ILDR1: variants seen among roughly 807,000 people sequenced by gnomAD.
ILDR1 encodes immunoglobulin-like domain-containing receptor 1.
A neutral mutation model predicts 62.4 loss-of-function variants in ILDR1; 56 were observed. That is an observed-to-expected ratio of 0.90 (90% CI 0.72 to 1.12). ILDR1 has a LOEUF of 1.12. ILDR1 is among the 50% of genes most tolerant of loss of function. The pLI, the probability that ILDR1 is intolerant of heterozygous loss-of-function variation, is 0.00. For synonymous variants in ILDR1, 284 were observed against 277.8 expected (o/e 1.02, Z -0.22); for missense variants, 736 against 710.6 (o/e 1.04, Z -0.41).
At chr3:122,014,015 C>T (rs1419927172) in intron 1 of ILDR1, among the ~76,000 whole-genome samples, 1 of 152,188 alleles carries the variant, frequency 6.6e-6, no homozygotes, top group Non-Finnish European at 1.5e-5. Context: ...TGCTTAAGGC[C>T]ACACAGCTAG....
chr3:122,048,914 G>A, the ILDR1 span, among the ~76,000 whole-genome samples: 4 of 152,130 alleles, frequency 2.6e-5, no homozygotes, highest in Non-Finnish European at 5.9e-5. Flanking sequence ...GGGATTACAG[G>A]CATAAGCCAC....
the ILDR1 span, among the ~76,000 whole-genome samples, chr3:122,045,345 G>A: frequency 6.6e-6 from 1 of 150,526 alleles, no homozygotes; most frequent in Non-Finnish European, 1.5e-5. Context: ...CAACTATGTG[G>A]TCAATTTTGG....
At chr3:122,002,954 A>G (rs1157886682) in intron 3 of ILDR1, among the ~76,000 whole-genome samples, 1 of 152,240 alleles carries the variant, frequency 6.6e-6, no homozygotes, top group Non-Finnish European at 1.5e-5. Context: ...GGAATTTAAA[A>G]TGAATGGTTA....
chr3:121,992,432 C>T (rs1458651853), intron 7 of ILDR1, among the ~76,000 whole-genome samples: 1 of 152,200 alleles, frequency 6.6e-6, no homozygotes, highest in Non-Finnish European at 1.5e-5. Flanking sequence ...ACCACCACAC[C>T]CAGCCCCAAA....
intron 5 of ILDR1, 113 bp downstream of exon 5, chr3:122,001,195 G>T: frequency 8.2e-7 from 1 of 1,217,574 alleles, no homozygotes; most frequent in Non-Finnish European, 1.2e-6. Context: ...TATGATGGGA[G>T]AAGGGCATGG....
the ILDR1 span, among the ~76,000 whole-genome samples, chr3:122,028,314 C>A: frequency 8.6e-6 from 1 of 116,784 alleles, no homozygotes; most frequent in African/African-American, 3.4e-5. Flanking sequence ...CCAGCCTGGG[C>A]AACAGAGCGA....
chr3:122,050,548 C>A, the ILDR1 span, among the ~76,000 whole-genome samples: 65 of 145,142 alleles, frequency 4.5e-4, no homozygotes, highest in Non-Finnish European at 8.2e-4. Context: ...TTTTACTTCC[C>A]CCCCCCCACA....
At chr3:122,048,699 T>G in the ILDR1 span, among the ~76,000 whole-genome samples, 1 of 152,240 alleles carries the variant, frequency 6.6e-6, no homozygotes, top group South Asian at 2.1e-4. Flanking sequence ...GGTTATCCAA[T>G]TTGTTGGAAC....
chr3:121,990,231 C>T (rs529668359), intron 7 of ILDR1, among the ~76,000 whole-genome samples: 21 of 152,330 alleles, frequency 1.4e-4, no homozygotes, highest in South Asian at 1.0e-3. Flanking sequence ...GCAGACTTTG[C>T]CTCAGTAAAT....
chr3:121,991,687 A>C (rs1207204594), intron 7 of ILDR1, among the ~76,000 whole-genome samples: 1 of 152,202 alleles, frequency 6.6e-6, no homozygotes, highest in Non-Finnish European at 1.5e-5. Context: ...CATAATTGCC[A>C]TTAATTATTA....
the ILDR1 span, among the ~76,000 whole-genome samples, chr3:122,049,208 T>A: frequency 4.6e-5 from 7 of 152,208 alleles, no homozygotes; most frequent in African/African-American, 9.6e-5. Flanking sequence ...TAATATTGAT[T>A]TCTGGTTTCA....
chr3:122,000,023 T>C (rs2071493283), intron 5 of ILDR1, among the ~76,000 whole-genome samples: 1 of 150,196 alleles, frequency 6.7e-6, no homozygotes. Flanking sequence ...AATGTATAAA[T>C]ACTAAACCTC....
chr3:122,030,751 A>C, the ILDR1 span, among the ~76,000 whole-genome samples: 1 of 152,074 alleles, frequency 6.6e-6, no homozygotes. Flanking sequence ...GGTTAAGCTC[A>C]ATGAGGATCA....
Position 121,988,023 on chromosome 3 carries a change from C to A in ILDR1, c.*344G>T. The A allele has an allele frequency of 2.7e-6, 1 of 374,206 alleles. No individual in the cohort carries two copies. The highest frequency in any genetic ancestry group is 3.6e-5 in the Admixed American group (1 of 27,552). 23.2% of individuals were successfully genotyped at this position (374,206 alleles called of 1,614,324 possible). On this transcript the variant is annotated 3_prime_UTR_variant, in exon 8 of 8. Transcript: ENST00000344209. Reference sequence around the variant, plus strand: ...GCACTCCTGGGCTCAAGGGATCCTTCTGCCTCAGCCTCTTGAGTAGCTGGG... The same window carrying A: ...GCACTCCTGGGCTCAAGGGATCCTTATGCCTCAGCCTCTTGAGTAGCTGGG...
the ILDR1 span, among the ~76,000 whole-genome samples, chr3:122,029,504 T>TAAAA: frequency 7.2e-6 from 1 of 138,512 alleles, no homozygotes; most frequent in South Asian, 2.3e-4. Flanking sequence ...ACACTCCGTC[T>TAAAA]AAAAAAAATA....
At position 121,987,915 on chromosome 3, in the gene ILDR1, G is replaced by A. The variant is rs775889751; in HGVS notation, c.*452C>T. ...ACTTTTTTGTTTTTTGGCCTTTTGG[G>A]TTTTTTAGTAATGGGGACTTGCTCT... On this transcript the variant is annotated 3_prime_UTR_variant, in exon 8 of 8. Coordinates refer to ENST00000344209, the MANE Select transcript of ILDR1 (RefSeq NM_001199799.2). 4.1e-6 allele frequency: 1 copy of A among 244,998 alleles called. No homozygotes were observed. Among genetic ancestry groups the A allele is most frequent in the African/African-American group, 2.3e-5 (1 of 43,704 alleles). 15.2% of individuals were successfully genotyped at this position (244,998 alleles called of 1,614,324 possible).
rs2071586027 is a variant in ILDR1, at chr3:122,005,230, T to TCCC, written c.379+11_379+13dup. The stretch of plus-strand genomic sequence containing the variant: ...CCCCACCCCCAGTTCCCCTGACACC[T>TCCC]CCCCCGCACTCACGGTTCTGGATGG... On this transcript the variant is annotated intron_variant, in intron 3 of 7. Transcript: ENST00000344209. 1.9e-6 allele frequency: 1 copy of TCCC among 513,376 alleles called. No individual in the cohort carries two copies. Among genetic ancestry groups the TCCC allele is most frequent in the Non-Finnish European group, 3.2e-6 (1 of 308,586 alleles). The allele number at this position is 513,376 out of a possible 1,614,324, so 31.8% of individuals were successfully genotyped here.
At chr3:122,021,257 A>C (rs2071850570) in intron 1 of ILDR1, among the ~76,000 whole-genome samples, 1 of 152,216 alleles carries the variant, frequency 6.6e-6, no homozygotes, top group Non-Finnish European at 1.5e-5. Context: ...CCTAATTGGA[A>C]AAGAGCTGAA....
At position 122,001,753 on chromosome 3, in the gene ILDR1, A is replaced by G; in HGVS notation, c.491T>C (p.Ile164Thr). The change falls in exon 4 of 8, where the codon ATC becomes ACC. Residue 164 changes from isoleucine to threonine, a missense_variant. Coordinates refer to ENST00000344209, the MANE Select transcript of ILDR1 (RefSeq NM_001199799.2). ...GCTCCAGTAGCACTTACGTAGGACG[A>G]TGAGCTTTACTTCCTTATCGGGGTC... The part of the protein sequence containing the change: ...SGDPDKEVKL[I>T]VLHWLTVIFI... 6.2e-7 allele frequency: 1 copy of G among 1,612,786 alleles called. No individual in the cohort carries two copies. Among genetic ancestry groups the G allele is most frequent in the South Asian group, 1.1e-5 (1 of 91,000 alleles).
Sources: allele counts gnomAD v4.1 joint callset (sites outside exome capture counted in the v4.1 genomes callset), GRCh38; gene constraint gnomAD v4.1.1; transcripts MANE v1.5; gene names NCBI Gene and HGNC (gene_info 2026-07-23, HGNC 2026-07-21).